The following CRLS1 variants were observed in gnomAD, a reference collection of about 807,000 sequenced individuals.
CRLS1 encodes the protein cardiolipin synthase (CMP-forming).
In CRLS1, 24 loss-of-function variants were observed where a neutral mutation model predicts 37.0. The observed-to-expected ratio is 0.65, with a 90% CI of 0.47 to 0.91. The LOEUF (loss-of-function observed/expected upper bound fraction) is 0.91. Ranked by LOEUF, CRLS1 falls within the 40% of genes least tolerant of loss-of-function variation. The probability of loss-of-function intolerance (pLI) is 0.00; values close to 1 mark genes in which losing one functional copy is unlikely to be tolerated. For missense variants in CRLS1, 373 were observed against 395.8 expected, an observed-to-expected ratio of 0.94 and a Z score of 0.49; for synonymous variants, 135 against 159.7, an observed-to-expected ratio of 0.85 and a Z score of 1.17.
chr20:6,021,135 C>T (rs1432148603), intron 3 of CRLS1, among the ~76,000 whole-genome samples: 1 of 148,222 alleles, frequency 6.7e-6, no homozygotes, highest in Non-Finnish European at 1.5e-5. Context: ...GGCACCATCT[C>T]GGCTCACTGC....
At position 6,037,390 on chromosome 20, in the gene CRLS1, T is replaced by C. The variant is rs1001410408; in HGVS notation, c.*232T>C. Reference sequence around the variant, plus strand: ...CAAATAAAATTGTAATTTAGAATTTTTAATCTTAGGTTTCTTGATTAATTT... The same window carrying C: ...CAAATAAAATTGTAATTTAGAATTTCTAATCTTAGGTTTCTTGATTAATTT... On this transcript the variant is annotated 3_prime_UTR_variant, in exon 7 of 7. Coordinates refer to ENST00000378863, the MANE Select transcript of CRLS1 (RefSeq NM_019095.6). The C allele has an allele frequency of 2.5e-5, 8 of 317,584 alleles. 1 individual carries two copies. The highest frequency in any genetic ancestry group is 4.0e-5 in the Non-Finnish European group (7 of 176,346). 19.7% of individuals were successfully genotyped at this position (317,584 alleles called of 1,614,324 possible).
intron 2 of CRLS1, among the ~76,000 whole-genome samples, chr20:6,014,030 C>T (rs1326660021): frequency 6.6e-6 from 1 of 152,098 alleles, no homozygotes; most frequent in Admixed American, 6.5e-5. Context: ...TCCCAGCTCC[C>T]CAGGCTAGGT....
chr20:6,030,503 G>A lies in CRLS1; in HGVS notation c.575-782G>A, dbSNP rs555937508. 5.5e-4 allele frequency among the ~76,000 whole-genome samples: 84 copies of A among 152,202 alleles called. 1 individual carries two copies. The highest frequency in any genetic ancestry group is 1.8e-3 in the African/African-American group (74 of 41,520). ...TTTGGGAGGCTGAGGCAGGTAGATC[G>A]CTTGAGCTCAGGAGTTTTAGACCAG... is the stretch of plus-strand genomic sequence containing the variant. On this transcript the variant is annotated intron_variant, in intron 3 of 6. Coordinates refer to ENST00000378863, the MANE Select transcript of CRLS1 (RefSeq NM_019095.6).
intron 1 of CRLS1, among the ~76,000 whole-genome samples, chr20:6,007,092 C>G (rs1169243959): frequency 1.3e-5 from 2 of 152,152 alleles, no homozygotes; most frequent in African/African-American, 4.8e-5. Context: ...CTTGAGGTAA[C>G]GGAGGGAAGT....
At chr20:6,035,174 CTAATCACAGTCAG>C (rs1209499971) in intron 6 of CRLS1, among the ~76,000 whole-genome samples, 1 of 152,130 alleles carries the variant, frequency 6.6e-6, no homozygotes, top group African/African-American at 2.4e-5. Flanking sequence ...AAAGTGGTGG[CTAATCACAGTCAG>C]TTAAGCCAGG....
intron 3 of CRLS1, among the ~76,000 whole-genome samples, chr20:6,030,202 G>A (rs1042796639): frequency 2.6e-5 from 4 of 151,182 alleles, no homozygotes; most frequent in African/African-American, 9.7e-5. Context: ...ACTTTCTATG[G>A]TGCAGAAGGA....
At chr20:6,017,587 C>G (rs1189608120) in intron 3 of CRLS1, among the ~76,000 whole-genome samples, 1 of 152,148 alleles carries the variant, frequency 6.6e-6, no homozygotes, top group African/African-American at 2.4e-5. Context: ...GTCTTGATAT[C>G]CAGTAGAGTG....
At chr20:6,011,130 AC>A (rs1318698663) in intron 2 of CRLS1, among the ~76,000 whole-genome samples, 1 of 152,190 alleles carries the variant, frequency 6.6e-6, no homozygotes, top group Non-Finnish European at 1.5e-5. Context: ...AGAAATAGAT[AC>A]ATTATATTCT....
chr20:6,033,079 TTATTTTA>T (rs922044333), intron 5 of CRLS1, among the ~76,000 whole-genome samples: 4 of 150,670 alleles, frequency 2.7e-5, no homozygotes, highest in South Asian at 2.1e-4. Flanking sequence ...ACATTTTATT[TTATTTTA>T]TATTTTATAT....
In CRLS1 at chr20:6,038,229, TGGGGAAGG is replaced by T. The variant is rs1051729485; in HGVS notation, c.*1074_*1081del. 2 of 151,196 alleles carry T rather than the reference TGGGGAAGG, an allele frequency of 1.3e-5. No individual in the cohort carries two copies. Among genetic ancestry groups the T allele is most frequent in the Admixed American group, 1.3e-4 (2 of 15,274 alleles). The allele number at this position is 151,196 out of a possible 1,614,324, so 9.4% of individuals were successfully genotyped here. Reference sequence around the variant, plus strand: ...ATCATGTTTAGGAGAATGTGGGATATGGGGAAGGGGAGAAGAAGACAGTCCAGTGGTGA... The same window carrying T: ...ATCATGTTTAGGAGAATGTGGGATATGGAGAAGAAGACAGTCCAGTGGTGA... On this transcript the variant is annotated 3_prime_UTR_variant, in exon 7 of 7. Transcript: ENST00000378863.
At chr20:6,029,694 G>T (rs1206696963) in intron 3 of CRLS1, among the ~76,000 whole-genome samples, 1 of 152,176 alleles carries the variant, frequency 6.6e-6, no homozygotes, top group Non-Finnish European at 1.5e-5. Context: ...GTTAGATTTT[G>T]CCAGCTAATG....
Position 6,037,209 on chromosome 20 carries a change from C to T in CRLS1, c.*51C>T, listed in dbSNP as rs527445213. 7.4e-7 allele frequency: 1 copy of T among 1,347,562 alleles called. No homozygotes were observed. The highest frequency in any genetic ancestry group is 1.1e-6 in the Non-Finnish European group (1 of 949,492). 83.5% of individuals were successfully genotyped at this position (1,347,562 alleles called of 1,614,324 possible). ...AGGAAGCAGTATACATCAATGGGAA[C>T]AGGGCCCATGGAAATGTACAGGAGT... On this transcript the variant is annotated 3_prime_UTR_variant, in exon 7 of 7. Coordinates refer to ENST00000378863, the MANE Select transcript of CRLS1 (RefSeq NM_019095.6).
At chr20:6,014,366 C>T (rs974155770) in intron 2 of CRLS1, among the ~76,000 whole-genome samples, 19 of 152,180 alleles carry the variant, frequency 1.2e-4, no homozygotes, top group African/African-American at 4.6e-4. Context: ...TCTCCTCTAA[C>T]TCATTGGAAT....
chr20:6,037,657 G>A lies in CRLS1; in HGVS notation c.*499G>A, dbSNP rs1980657981. 1 of 152,222 alleles carries A rather than the reference G, an allele frequency of 6.6e-6. No homozygotes were observed. Among genetic ancestry groups the A allele is most frequent in the Admixed American group, 6.5e-5 (1 of 15,282 alleles). 9.4% of individuals were successfully genotyped at this position (152,222 alleles called of 1,614,324 possible). On this transcript the variant is annotated 3_prime_UTR_variant, in exon 7 of 7. Coordinates refer to ENST00000378863, the MANE Select transcript of CRLS1 (RefSeq NM_019095.6). ...TACCTGATCATTTGGGATAATGAAA[G>A]TGAAGTTAGTTGTAGATGAAGTAAA...
chr20:6,006,366 C>G lies in CRLS1; in HGVS notation c.120C>G (p.Cys40Trp), dbSNP rs2090054495. The change falls in exon 1 of 7, where the codon TGC (cysteine) becomes TGG (tryptophan). Residue 40 changes from cysteine (C) to tryptophan (W), a missense_variant. Transcript: ENST00000378863. ...ACWALLPPVP[C>W]CLGCLAERWR... Reference sequence around the variant, plus strand: ...GGGCCCTGCTGCCGCCCGTGCCCTGCTGCTTGGGCTGCCTGGCCGAACGCT... The same window carrying G: ...GGGCCCTGCTGCCGCCCGTGCCCTGGTGCTTGGGCTGCCTGGCCGAACGCT... 2.1e-6 allele frequency: 3 copies of G among 1,402,706 alleles called. No homozygotes were observed. Among genetic ancestry groups the G allele is most frequent in the African/African-American group, 1.5e-5 (1 of 67,268 alleles). 86.9% of individuals were successfully genotyped at this position (1,402,706 alleles called of 1,614,324 possible). A position where few individuals can be genotyped will look rare whatever the true frequency, so the allele number is the denominator to read the frequency against.
At chr20:6,018,629 T>C (rs6516088) in intron 3 of CRLS1, among the ~76,000 whole-genome samples, 12,955 of 152,214 alleles carry the variant, frequency 0.085, 872 homozygotes, top group African/African-American at 0.19. Context: ...TTTCTCACAA[T>C]TGGGTACTGA....
intron 3 of CRLS1, among the ~76,000 whole-genome samples, chr20:6,024,996 T>C (rs1482967368): frequency 1.3e-5 from 2 of 152,102 alleles, no homozygotes; most frequent in African/African-American, 2.4e-5. Context: ...AAAAAAGCCA[T>C]CTCCATAACA....
chr20:6,013,934 G>C (rs996617600), intron 2 of CRLS1, among the ~76,000 whole-genome samples: 3 of 152,192 alleles, frequency 2.0e-5, no homozygotes, highest in African/African-American at 7.2e-5. Context: ...TAGAGGAATA[G>C]TGAAGATGAG....
At position 6,032,926 on chromosome 20, in the gene CRLS1, TTTTG is replaced by T. The variant is rs200655058; in HGVS notation, c.729+863_729+866del. Among the ~76,000 whole-genome samples, 285 of 151,874 alleles carry T rather than the reference TTTTG, an allele frequency of 1.9e-3. 5 individuals carry two copies. The East Asian group carries it at 0.031, about 17-fold the overall frequency. ...TAGGGTTTGGGGTTTTTTTGTTGTT[TTTTG>T]TTTGTTTGTTTGTTTGGCTTCAAGT... On this transcript the variant is annotated intron_variant, in intron 5 of 6. Coordinates refer to ENST00000378863, the MANE Select transcript of CRLS1 (RefSeq NM_019095.6).
Sources: gnomAD v4.1 joint callset for allele counts (sites outside exome capture counted in the v4.1 genomes callset) on GRCh38, gnomAD v4.1.1 for gene constraint, MANE v1.5 for transcripts, NCBI Gene and HGNC (gene_info 2026-07-23, HGNC 2026-07-21) for gene names.